Variants in LAMA2 observed in about 807,000 individuals in gnomAD.
LAMA2 encodes the protein laminin subunit alpha-2.
A neutral mutation model predicts 364.8 loss-of-function variants in LAMA2; 269 were observed. The ratio of observed to expected loss-of-function variants is 0.74; its 90% CI spans 0.67 to 0.82. LAMA2 has a LOEUF of 0.82. LAMA2 is among the 40% of genes least tolerant of loss of function. The pLI, the probability that LAMA2 is intolerant of heterozygous loss-of-function variation, is 0.00. For missense variants in LAMA2, 3,807 were observed against 3,873.2 expected (o/e 0.98, Z 0.45); for synonymous variants, 1,379 against 1,370.6 (o/e 1.01, Z -0.14).
At chr6:129,158,693 T>C in intron 8 of LAMA2, 1 of 1,614,098 alleles carries the variant, frequency 6.2e-7, no homozygotes, top group Non-Finnish European at 8.5e-7. Context: ...AAAACGGACC[T>C]ATGACAACAG....
chr6:129,115,870 C>G (rs1414609214), intron 4 of LAMA2, among the ~76,000 whole-genome samples: 1 of 152,132 alleles, frequency 6.6e-6, no homozygotes, highest in Non-Finnish European at 1.5e-5. Context: ...ACACATCCGA[C>G]TAAGGTGCAG....
rs543773052 is a variant in LAMA2 at position 129,510,382 on chromosome 6, A to G, written c.8858-1981A>G. ...ACAGTAGCTACAAATAAAATAAAAT[A>G]CTAAGGAATTAACCAAATAAGTGAA... On this transcript the variant is annotated intron_variant, in intron 62 of 64. Coordinates refer to ENST00000421865, the MANE Select transcript of LAMA2 (RefSeq NM_000426.4). 2.0e-5 allele frequency among the ~76,000 whole-genome samples: 3 copies of G among 152,302 alleles called. No individual in the cohort carries two copies. In the South Asian group the frequency reaches 6.2e-4, roughly 32 times the overall value.
rs547918573 is a variant in LAMA2, at chr6:129,255,136, G to A, written c.2096+2841G>A. Among the ~76,000 whole-genome samples the A allele has an allele frequency of 2.5e-3, 385 of 151,808 alleles. 1 individual carries two copies. The highest frequency in any genetic ancestry group is 8.7e-3 in the African/African-American group (360 of 41,430). On this transcript the variant is annotated intron_variant, in intron 14 of 64. Transcript: ENST00000421865. ...TAAAAAACAGCCTGGGGCCGGGCAC[G>A]GTGGCTCATGCCTGTAATCCCAGCA...
chr6:129,268,030 G>GA lies in LAMA2; in HGVS notation c.2322+812dup, dbSNP rs1787633553. ...TCATTTCCCTGAAGAATTTAAGGCG[G>GA]ATTCTGTTACCTGTAATTCTTAATG... is the stretch of plus-strand genomic sequence containing the variant. On this transcript the variant is annotated intron_variant, in intron 16 of 64. Transcript: ENST00000421865. Among the ~76,000 whole-genome samples, 11 of 152,198 alleles carry GA rather than the reference G, an allele frequency of 7.2e-5. No individual in the cohort carries two copies. The South Asian group carries it at 2.3e-3, about 32-fold the overall frequency.
intron 4 of LAMA2, among the ~76,000 whole-genome samples, chr6:129,117,788 C>G (rs1268159143): frequency 6.6e-6 from 1 of 152,180 alleles, no homozygotes; most frequent in African/African-American, 2.4e-5. Flanking sequence ...AATGTACACT[C>G]TTGTTGTTCC....
chr6:129,322,577 T>C (rs574156471), intron 28 of LAMA2, among the ~76,000 whole-genome samples: 11 of 152,336 alleles, frequency 7.2e-5, no homozygotes, highest in Admixed American at 3.3e-4. Flanking sequence ...AAATGACAGA[T>C]TGAGTTGAAG....
intron 1 of LAMA2, 108 bp from the exon 2 acceptor site, chr6:129,049,810 G>T: frequency 1.1e-6 from 1 of 881,434 alleles, no homozygotes; most frequent in Non-Finnish European, 1.9e-6. Context: ...TCTCATGTTG[G>T]GTTACTTTAA....
At chr6:129,046,749 C>T (rs756868053) in intron 1 of LAMA2, among the ~76,000 whole-genome samples, 1 of 152,104 alleles carries the variant, frequency 6.6e-6, no homozygotes, top group Non-Finnish European at 1.5e-5. Context: ...ACTCACTCAT[C>T]ATTTACATAA....
chr6:129,203,615 C>T (rs1782439479), intron 12 of LAMA2, among the ~76,000 whole-genome samples: 2 of 152,224 alleles, frequency 1.3e-5, no homozygotes, highest in South Asian at 4.1e-4. Flanking sequence ...CTGCTGACAG[C>T]TTGATCTCAC....
chr6:128,956,542 T>C (rs534540326), intron 1 of LAMA2, among the ~76,000 whole-genome samples: 117 of 152,126 alleles, frequency 7.7e-4, no homozygotes, highest in African/African-American at 2.7e-3. Context: ...AATGATAGTC[T>C]TGTTAGTGAA....
chr6:128,992,385 C>G (rs1051204066), intron 1 of LAMA2, among the ~76,000 whole-genome samples: 1 of 152,138 alleles, frequency 6.6e-6, no homozygotes, highest in South Asian at 2.1e-4. Context: ...TTTGTGATCT[C>G]AAGACTATCC....
intron 4 of LAMA2, among the ~76,000 whole-genome samples, chr6:129,133,970 GTCTA>G (rs1228607264): frequency 1.3e-5 from 2 of 152,136 alleles, no homozygotes; most frequent in African/African-American, 4.8e-5. Flanking sequence ...TTAAGTTCCT[GTCTA>G]GGTTTTGTTC....
At chr6:129,151,179 G>A (rs772163051) in intron 7 of LAMA2, among the ~76,000 whole-genome samples, 55 of 152,306 alleles carry the variant, frequency 3.6e-4, no homozygotes, top group Non-Finnish European at 6.6e-4. Context: ...AAGTGGGGCT[G>A]TAGGTGTAGG....
chr6:129,253,713 G>T (rs1171566282), intron 14 of LAMA2, among the ~76,000 whole-genome samples: 1 of 152,172 alleles, frequency 6.6e-6, no homozygotes, highest in East Asian at 1.9e-4. Flanking sequence ...ATATATTTTT[G>T]TCAGCATTGC....
intron 4 of LAMA2, among the ~76,000 whole-genome samples, chr6:129,126,078 A>G (rs888660687): frequency 3.3e-5 from 5 of 152,222 alleles, no homozygotes; most frequent in Non-Finnish European, 7.3e-5. Flanking sequence ...TTAAGAAAGC[A>G]CAGGTTAAAT....
intron 4 of LAMA2, among the ~76,000 whole-genome samples, chr6:129,108,202 G>T (rs1775942060): frequency 6.6e-6 from 1 of 151,598 alleles, no homozygotes. Context: ...ATATTTATCA[G>T]TTTTTCTGCT....
rs938220225 is a variant in LAMA2 at position 129,173,063 on chromosome 6, C to T, written c.1307-4643C>T. On this transcript the variant is annotated intron_variant, in intron 9 of 64. Transcript: ENST00000421865. ...GGGTGCGCGCACCCACTGACCTGCG[C>T]CCACTGTCTGGCATTCCCTAGTGAG... is the stretch of plus-strand genomic sequence containing the variant. Among the ~76,000 whole-genome samples the T allele has an allele frequency of 7.9e-5, 12 of 152,316 alleles. 1 individual carries two copies. The East Asian group carries it at 1.7e-3, about 22-fold the overall frequency.
chr6:129,099,177 T>TTAC (rs536279291), intron 4 of LAMA2, among the ~76,000 whole-genome samples: 14 of 147,590 alleles, frequency 9.5e-5, no homozygotes, highest in Admixed American at 8.4e-4. Flanking sequence ...ATCCAGTTAC[T>TTAC]TAAATTCTCT....
intron 8 of LAMA2, 57 bp downstream of exon 8, chr6:129,154,740 T>C (rs937245100): frequency 1.5e-6 from 2 of 1,346,874 alleles, no homozygotes; most frequent in Non-Finnish European, 2.1e-6. Flanking sequence ...CATACAAAAA[T>C]GTTTTATACA....
Sources: gnomAD v4.1 joint callset for allele counts (sites outside exome capture counted in the v4.1 genomes callset) on GRCh38, gnomAD v4.1.1 for gene constraint, MANE v1.5 for transcripts, NCBI Gene and HGNC (gene_info 2026-07-23, HGNC 2026-07-21) for gene names.